Variants in ARHGAP26 observed in about 807,000 individuals in gnomAD.
ARHGAP26 encodes Rho GTPase activating protein 26.
In ARHGAP26, 38 loss-of-function variants were observed where a neutral mutation model predicts 104.8. That is an observed-to-expected ratio of 0.36 (90% CI 0.28 to 0.48). The LOEUF is 0.48. Ranked by LOEUF, ARHGAP26 falls within the 20% of genes least tolerant of loss-of-function variation. The pLI, the probability that ARHGAP26 is intolerant of heterozygous loss-of-function variation, is 0.99. For missense variants in ARHGAP26, 704 were observed against 947.9 expected, an observed-to-expected ratio of 0.74 and a Z score of 3.38; for synonymous variants, 341 against 340.0, an observed-to-expected ratio of 1.00 and a Z score of -0.03.
chr5:143,006,326 T>G (rs1175813551), intron 11 of ARHGAP26, among the ~76,000 whole-genome samples: 4 of 151,340 alleles, frequency 2.6e-5, no homozygotes, highest in African/African-American at 7.3e-5. Flanking sequence ...CTTTTTTTTT[T>G]TTTTTTTTTT....
chr5:142,894,310 G>A lies in ARHGAP26; in HGVS notation c.559G>A (p.Glu187Lys). The A allele has an allele frequency of 6.2e-7, 1 of 1,614,124 alleles. No individual in the cohort carries two copies. Among genetic ancestry groups the A allele is most frequent in the Non-Finnish European group, 8.5e-7 (1 of 1,179,972 alleles). Residue 187 changes from glutamate to lysine, a missense_variant, in exon 6 of 23, where the codon GAA becomes AAA. Glu to Lys is a moderately conservative substitution (Grantham distance 56, BLOSUM62 1). Coordinates refer to ENST00000645722, the MANE Select transcript of ARHGAP26 (RefSeq NM_001135608.3). ...VSLEYVFKVQ[E>K]VQERKMFEFV... ...CCTGGAATATGTCTTCAAGGTGCAG[G>A]AAGTCCAAGAGAGAAAGATGTTTGA...
chr5:143,162,797 C>A (rs1252536565), intron 20 of ARHGAP26, among the ~76,000 whole-genome samples: 1 of 152,170 alleles, frequency 6.6e-6, no homozygotes, highest in East Asian at 1.9e-4. Flanking sequence ...GACAGACAGT[C>A]CCTTCCCAGT....
At chr5:142,836,973 T>TA (rs1769697430) in intron 1 of ARHGAP26, among the ~76,000 whole-genome samples, 1 of 152,164 alleles carries the variant, frequency 6.6e-6, no homozygotes, top group Non-Finnish European at 1.5e-5. Flanking sequence ...TCAAATCCTG[T>TA]TTTTTCCTGG....
At chr5:142,951,410 G>A (rs984026171) in intron 11 of ARHGAP26, among the ~76,000 whole-genome samples, 3 of 152,174 alleles carry the variant, frequency 2.0e-5, no homozygotes, top group Non-Finnish European at 4.4e-5. Context: ...AGGAAGGCTG[G>A]AAATGTAAAA....
chr5:142,927,776 A>G (rs2152522322), intron 10 of ARHGAP26, among the ~76,000 whole-genome samples: 2 of 152,326 alleles, frequency 1.3e-5, no homozygotes, highest in African/African-American at 2.4e-5. Context: ...TTATTCTCCC[A>G]TCAGCAATGT....
chr5:142,788,291 G>A (rs1759073972), intron 1 of ARHGAP26, among the ~76,000 whole-genome samples: 1 of 152,030 alleles, frequency 6.6e-6, no homozygotes, highest in African/African-American at 2.4e-5. Context: ...ACGAGACACC[G>A]CGCCCGGCCA....
At chr5:142,835,542 A>C (rs1769381828) in intron 1 of ARHGAP26, among the ~76,000 whole-genome samples, 1 of 152,152 alleles carries the variant, frequency 6.6e-6, no homozygotes, top group African/African-American at 2.4e-5. Context: ...AATTTCTTTG[A>C]CTTGTCTTTT....
chr5:143,147,116 C>T (rs185943310), intron 19 of ARHGAP26, 115 bp from the exon 20 acceptor site: 2 of 1,247,214 alleles, frequency 1.6e-6, no homozygotes, highest in South Asian at 1.6e-5. Context: ...TCTTAAGCTT[C>T]CCTGGGATCA....
chr5:142,827,824 A>G (rs192336152), intron 1 of ARHGAP26, among the ~76,000 whole-genome samples: 4 of 152,350 alleles, frequency 2.6e-5, no homozygotes, highest in Admixed American at 2.0e-4. Context: ...TAGTGTTTCA[A>G]ACAGTGTCTG....
intron 11 of ARHGAP26, among the ~76,000 whole-genome samples, chr5:143,012,793 AC>A (rs1779078691): frequency 6.7e-6 from 1 of 150,202 alleles, no homozygotes; most frequent in South Asian, 2.1e-4. Flanking sequence ...AGCTGGGACT[AC>A]AGGCGCCCGC....
At chr5:142,815,748 C>T (rs1764993283) in intron 1 of ARHGAP26, among the ~76,000 whole-genome samples, 2 of 152,166 alleles carry the variant, frequency 1.3e-5, no homozygotes, top group Admixed American at 6.5e-5. Context: ...ATTCGAGCCT[C>T]ACTTTCCCCG....
intron 20 of ARHGAP26, among the ~76,000 whole-genome samples, chr5:143,156,439 G>A (rs139382102): frequency 9.2e-5 from 14 of 152,262 alleles, no homozygotes; most frequent in African/African-American, 3.1e-4. Flanking sequence ...TTCTCAGAGT[G>A]TGGTCCTGGG....
chr5:143,221,785 G>T (rs753202928), intron 22 of ARHGAP26, among the ~76,000 whole-genome samples: 1 of 152,120 alleles, frequency 6.6e-6, no homozygotes, highest in Non-Finnish European at 1.5e-5. Context: ...AGCCTCCCAA[G>T]GTACTGGCAT....
At chr5:143,011,857 A>C (rs566658873) in intron 11 of ARHGAP26, among the ~76,000 whole-genome samples, 1 of 152,128 alleles carries the variant, frequency 6.6e-6, no homozygotes, top group South Asian at 2.1e-4. Context: ...CTCAAATTCC[A>C]TGAATGTTAA....
chr5:142,913,354 T>C, intron 10 of ARHGAP26, 61 bp downstream of exon 10: 1 of 1,486,244 alleles, frequency 6.7e-7, no homozygotes, highest in Non-Finnish European at 9.4e-7. Context: ...ATCTTACTTT[T>C]TCTTTCCAGT....
At chr5:142,838,778 C>T (rs1206551596) in intron 1 of ARHGAP26, among the ~76,000 whole-genome samples, 1 of 152,132 alleles carries the variant, frequency 6.6e-6, no homozygotes, top group Non-Finnish European at 1.5e-5. Context: ...AAAGAGACAG[C>T]TTTGGAATTA....
At chr5:142,825,236 T>C (rs1398080027) in intron 1 of ARHGAP26, among the ~76,000 whole-genome samples, 1 of 152,212 alleles carries the variant, frequency 6.6e-6, no homozygotes, top group East Asian at 1.9e-4. Context: ...CAGTACATGC[T>C]CTATGTTAGT....
At chr5:142,919,672 A>G (rs1442516256) in intron 10 of ARHGAP26, among the ~76,000 whole-genome samples, 1 of 152,116 alleles carries the variant, frequency 6.6e-6, no homozygotes, top group Non-Finnish European at 1.5e-5. Context: ...TTACATGATT[A>G]TAGCCTAAGC....
chr5:142,788,970 G>T (rs1213091855), intron 1 of ARHGAP26, among the ~76,000 whole-genome samples: 1 of 152,256 alleles, frequency 6.6e-6, no homozygotes, highest in East Asian at 1.9e-4. Flanking sequence ...AGCAACGGAA[G>T]CATAGAGAGA....
Sources: gnomAD v4.1 joint callset for allele counts (sites outside exome capture counted in the v4.1 genomes callset) on GRCh38, gnomAD v4.1.1 for gene constraint, MANE v1.5 for transcripts, NCBI Gene and HGNC (gene_info 2026-07-23, HGNC 2026-07-21) for gene names.